Variants in MAPK10 observed in about 807,000 individuals in gnomAD.
MAPK10 encodes the protein JNK3 alpha protein kinase.
In MAPK10, 25 loss-of-function variants were observed where a neutral mutation model predicts 59.3. The ratio of observed to expected loss-of-function variants is 0.42; its 90% CI spans 0.31 to 0.59. The LOEUF (loss-of-function observed/expected upper bound fraction) is 0.59, where lower values mean the gene tolerates loss of function less well. Among genes scored for constraint, MAPK10 ranks in the 20% least tolerant of loss-of-function variants. The pLI, the probability that MAPK10 is intolerant of heterozygous loss-of-function variation, is 0.15. For missense variants in MAPK10, 351 were observed against 568.9 expected, an observed-to-expected ratio of 0.62 and a Z score of 3.90; for synonymous variants, 190 against 200.5, an observed-to-expected ratio of 0.95 and a Z score of 0.44.
rs146653228 is a variant in MAPK10, at chr4:86,388,727, G to T, written c.-121-34083C>A. Among the ~76,000 whole-genome samples, 537 of 151,982 alleles carry T rather than the reference G, an allele frequency of 3.5e-3. 1 individual carries two copies. Among genetic ancestry groups the T allele is most frequent in the African/African-American group, 0.012 (517 of 41,438 alleles). On this transcript the variant is annotated intron_variant, in intron 1 of 13. Transcript: ENST00000361569. ...TCACTTTATGTAACCTTAATATATAGCATAAACATACATATAAAAATCAAT... is the reference window on the plus strand; with the variant it reads ...TCACTTTATGTAACCTTAATATATATCATAAACATACATATAAAAATCAAT...
intron 1 of MAPK10, among the ~76,000 whole-genome samples, chr4:86,477,096 G>A (rs1345143698): frequency 6.6e-6 from 1 of 152,152 alleles, no homozygotes; most frequent in African/African-American, 2.4e-5. Flanking sequence ...AAGCCTACAG[G>A]ACCATCACAG....
In MAPK10 at chr4:86,493,158, T is replaced by C. The variant is rs117638464; in HGVS notation, c.-263+100752A>G. On this transcript the variant is annotated intron_variant, in intron 1 of 4. Transcript: ENST00000502302. ...TTCTGTACCTCACTTCCGATTCCTG[T>C]ACGTCACTTTTTTTGTCTATAAATT... is the stretch of plus-strand genomic sequence containing the variant. 2.8e-3 allele frequency among the ~76,000 whole-genome samples: 433 copies of C among 152,344 alleles called. 4 individuals carry two copies. The East Asian group carries it at 0.052, about 18-fold the overall frequency.
At chr4:86,237,705 T>A (rs2092377325) in intron 2 of MAPK10, among the ~76,000 whole-genome samples, 1 of 152,200 alleles carries the variant, frequency 6.6e-6, no homozygotes, top group African/African-American at 2.4e-5. Context: ...ATGGTTTTTT[T>A]ATTGTAAATG....
chr4:86,353,430 CATAAT>C (rs2148966993), intron 2 of MAPK10, among the ~76,000 whole-genome samples: 1 of 152,214 alleles, frequency 6.6e-6, no homozygotes, highest in South Asian at 2.1e-4. Context: ...GGGAGTAACA[CATAAT>C]ATATTAGTTT....
intron 9 of MAPK10, among the ~76,000 whole-genome samples, chr4:86,088,313 G>A (rs1435880679): frequency 6.6e-6 from 1 of 152,126 alleles, no homozygotes; most frequent in Non-Finnish European, 1.5e-5. Flanking sequence ...CTTTGTTGCT[G>A]AGACTACAGG....
intron 1 of MAPK10, among the ~76,000 whole-genome samples, chr4:86,448,228 C>A (rs1211126940): frequency 6.6e-6 from 1 of 152,050 alleles, no homozygotes; most frequent in African/African-American, 2.4e-5. Flanking sequence ...TATACTAGTA[C>A]CACACTTTTA....
intron 3 of MAPK10, among the ~76,000 whole-genome samples, chr4:86,162,970 T>C (rs1376325783): frequency 1.3e-5 from 2 of 152,084 alleles, no homozygotes; most frequent in Admixed American, 6.6e-5. Context: ...AATCAACCAA[T>C]TAAAAATCAT....
At chr4:86,463,936 T>C (rs1324863218) in intron 1 of MAPK10, among the ~76,000 whole-genome samples, 1 of 152,212 alleles carries the variant, frequency 6.6e-6, no homozygotes, top group Non-Finnish European at 1.5e-5. Flanking sequence ...ACTAGTATTA[T>C]TGTTCAAGAG....
At chr4:86,216,969 T>C (rs1036881929) in intron 2 of MAPK10, among the ~76,000 whole-genome samples, 3 of 152,142 alleles carry the variant, frequency 2.0e-5, no homozygotes, top group African/African-American at 7.2e-5. Flanking sequence ...TTCAGGTATT[T>C]TGAACTAAAA....
chr4:86,362,983 G>A (rs989455212), upstream of MAPK10, among the ~76,000 whole-genome samples: 5 of 152,052 alleles, frequency 3.3e-5, no homozygotes, highest in African/African-American at 1.2e-4. Context: ...CCAAAAAAAA[G>A]TTGGACATAA....
chr4:86,265,305 T>C (rs1352611641), intron 2 of MAPK10, among the ~76,000 whole-genome samples: 3 of 151,970 alleles, frequency 2.0e-5, no homozygotes, highest in African/African-American at 7.3e-5. Flanking sequence ...GGTCAGGAGT[T>C]TGAGACCAGC....
At chr4:86,373,299 A>G (rs565034970) in intron 1 of MAPK10, among the ~76,000 whole-genome samples, 2 of 152,342 alleles carry the variant, frequency 1.3e-5, no homozygotes, top group South Asian at 2.1e-4. Context: ...CTAAAACCAT[A>G]AAAACCTTAG....
At chr4:86,547,719 G>C (rs1367778014) in intron 1 of MAPK10, among the ~76,000 whole-genome samples, 1 of 152,204 alleles carries the variant, frequency 6.6e-6, no homozygotes, top group Admixed American at 6.5e-5. Flanking sequence ...GAGTCTAGTG[G>C]GGATGTGGAG....
chr4:86,464,471 A>G (rs1752016693), intron 1 of MAPK10, among the ~76,000 whole-genome samples: 1 of 152,250 alleles, frequency 6.6e-6, no homozygotes, highest in Non-Finnish European at 1.5e-5. Context: ...ATGATTTCAT[A>G]CAGATGAACA....
intron 1 of MAPK10, among the ~76,000 whole-genome samples, chr4:86,481,035 G>A (rs1753568200): frequency 6.6e-6 from 1 of 152,136 alleles, no homozygotes; most frequent in African/African-American, 2.4e-5. Flanking sequence ...CCAGGTATAG[G>A]ACAAGACCTC....
chr4:86,120,813 C>T (rs1298287933), intron 4 of MAPK10, among the ~76,000 whole-genome samples: 1 of 152,108 alleles, frequency 6.6e-6, no homozygotes, highest in African/African-American at 2.4e-5. Context: ...CTGGCCAGCC[C>T]TGCTATAAGG....
intron 1 of MAPK10, among the ~76,000 whole-genome samples, chr4:86,499,680 C>T (rs1408063258): frequency 2.6e-5 from 4 of 152,258 alleles, no homozygotes; most frequent in Middle Eastern, 3.4e-3. Flanking sequence ...CTTCTTTTTC[C>T]TTAATGATAG....
intron 2 of MAPK10, among the ~76,000 whole-genome samples, chr4:86,287,228 A>T (rs1251006598): frequency 1.3e-5 from 2 of 152,200 alleles, no homozygotes; most frequent in African/African-American, 4.8e-5. Context: ...AACCCACAAA[A>T]ACCTTTTAAA....
At chr4:86,269,422 C>T (rs543199096) in intron 2 of MAPK10, among the ~76,000 whole-genome samples, 1 of 152,260 alleles carries the variant, frequency 6.6e-6, no homozygotes, top group East Asian at 1.9e-4. Context: ...CTTTTTATCA[C>T]CATGACTACC....
Sources: gnomAD v4.1 joint callset for allele counts (sites outside exome capture counted in the v4.1 genomes callset) on GRCh38, gnomAD v4.1.1 for gene constraint, MANE v1.5 for transcripts, NCBI Gene and HGNC (gene_info 2026-07-23, HGNC 2026-07-21) for gene names.